Variants in NLRP5 observed in about 807,000 individuals in gnomAD.
NLRP5 encodes the protein NLR family pyrin domain containing 5, also known as NACHT, LRR and PYD domains-containing protein 5.
A neutral mutation model predicts 113.1 loss-of-function variants in NLRP5; 93 were observed. That is an observed-to-expected ratio of 0.82 (90% CI 0.70 to 0.98). The LOEUF (loss-of-function observed/expected upper bound fraction) is 0.98, where lower values mean the gene tolerates loss of function less well. NLRP5 is among the 50% of genes least tolerant of loss of function. The pLI, the probability that NLRP5 is intolerant of heterozygous loss-of-function variation, is 0.00. For missense variants in NLRP5, 1,808 were observed against 1,514.3 expected, an observed-to-expected ratio of 1.19 and a Z score of -3.22; for synonymous variants, 751 against 600.7, an observed-to-expected ratio of 1.25 and a Z score of -3.66.
intron 10 of NLRP5, 141 bp downstream of exon 10, chr19:56,038,336 C>T (rs752514266): frequency 8.1e-5 from 68 of 838,946 alleles, no homozygotes; most frequent in Non-Finnish European, 1.3e-4. Flanking sequence ...CCTCCCAAGA[C>T]CTGCCCAGTG....
rs1353277585 is a variant in NLRP5 at position 56,023,916 on chromosome 19, G to A, written c.680-2997G>A. On this transcript the variant is annotated intron_variant, in intron 6 of 14. Coordinates refer to ENST00000390649, the MANE Select transcript of NLRP5 (RefSeq NM_153447.4). ...GAGAGACTCTTGCTGCCTTTTTAAG[G>A]TAAATAGTAGTACCAGTAAACTTAA... Among the ~76,000 whole-genome samples the A allele has an allele frequency of 1.3e-5, 2 of 152,078 alleles. 1 individual carries two copies. Among genetic ancestry groups the A allele is most frequent in the Non-Finnish European group, 2.9e-5 (2 of 68,024 alleles).
At chr19:56,039,490 C>T (rs1472136271) in intron 10 of NLRP5, among the ~76,000 whole-genome samples, 4 of 152,104 alleles carry the variant, frequency 2.6e-5, no homozygotes, top group African/African-American at 7.2e-5. Flanking sequence ...TCGATCACAC[C>T]CTGAGCTCTC....
chr19:55,993,081 T>A, the NLRP5 span, among the ~76,000 whole-genome samples: 1 of 151,934 alleles, frequency 6.6e-6, no homozygotes, highest in South Asian at 2.1e-4. Context: ...ACTCCCGACC[T>A]CAGGTGATCC....
At chr19:56,058,170 T>C in intron 13 of NLRP5, 70 bp from the exon 14 acceptor site, 2 of 1,173,524 alleles carry the variant, frequency 1.7e-6, no homozygotes, top group African/African-American at 3.1e-5. Flanking sequence ...CAAGGTGAAA[T>C]TCATACGGGT....
At position 56,026,533 on chromosome 19, in the gene NLRP5, A is replaced by AAG. The variant is rs1316069112; in HGVS notation, c.680-379_680-378insGA. 5.6e-5 allele frequency among the ~76,000 whole-genome samples: 8 copies of AAG among 143,850 alleles called. 1 individual carries two copies. Among genetic ancestry groups the AAG allele is most frequent in the African/African-American group, 2.0e-4 (7 of 35,218 alleles). 94.4% of individuals were successfully genotyped at this position (143,850 alleles called of 152,430 possible). A position where few individuals can be genotyped will look rare whatever the true frequency, so the allele number is the denominator to read the frequency against. The stretch of plus-strand genomic sequence containing the variant: ...ACAGAGCAAGACTCCATCTCAAAAA[A>AAG]AAAAAAAAAAAAAAAATAGACTGGC... On this transcript the variant is annotated intron_variant, in intron 6 of 14. Transcript: ENST00000390649.
At chr19:55,996,927 G>T (rs1981343999), upstream of NLRP5, among the ~76,000 whole-genome samples, 1 of 152,136 alleles carries the variant, frequency 6.6e-6, no homozygotes, top group African/African-American at 2.4e-5. Flanking sequence ...TTCCACAATG[G>T]TTGAACTAGT....
chr19:56,036,660 C>A (rs1365504670), intron 9 of NLRP5, among the ~76,000 whole-genome samples: 1 of 152,130 alleles, frequency 6.6e-6, no homozygotes, highest in East Asian at 1.9e-4. Flanking sequence ...AAAGTTCTGT[C>A]TAAAATTCAA....
At chr19:55,998,467 C>A (rs1425647199), upstream of NLRP5, among the ~76,000 whole-genome samples, 1 of 151,830 alleles carries the variant, frequency 6.6e-6, no homozygotes, top group African/African-American at 2.4e-5. Flanking sequence ...GTCTGGCCAA[C>A]CTAGTGAAAC....
chr19:56,005,355 A>AT (rs149100408), intron 2 of NLRP5, among the ~76,000 whole-genome samples: 17,619 of 135,198 alleles, frequency 0.13, 1,438 homozygotes, highest in African/African-American at 0.25. Context: ...ATACACATAT[A>AT]TTTTTATATA....
chr19:56,003,750 A>G lies in NLRP5; in HGVS notation c.97A>G (p.Ile33Val), dbSNP rs777017077. ...TCTTTCCACAGGTCCTACTTGCTCT[A>G]TATTACCAAAGAATCCACTTTTCCC... The change falls in exon 2 of 15, where the codon ATA becomes GTA. Residue 33 changes from isoleucine to valine, a missense_variant. Ile to Val is a conservative substitution (Grantham distance 29). Coordinates refer to ENST00000390649, the MANE Select transcript of NLRP5 (RefSeq NM_153447.4). 1.6e-5 allele frequency: 26 copies of G among 1,612,894 alleles called. No individual in the cohort carries two copies. In the Admixed American group the frequency reaches 1.7e-4, roughly 10 times the overall value.
chr19:56,003,401 G>A (rs1981730838), intron 1 of NLRP5, among the ~76,000 whole-genome samples: 1 of 152,164 alleles, frequency 6.6e-6, no homozygotes, highest in Admixed American at 6.5e-5. Flanking sequence ...TGATCCACCT[G>A]CCTTGGTCTC....
chr19:56,005,866 C>T (rs1184880859), intron 2 of NLRP5, among the ~76,000 whole-genome samples: 2 of 152,144 alleles, frequency 1.3e-5, no homozygotes, highest in Non-Finnish European at 1.5e-5. Flanking sequence ...GACTCTCAAC[C>T]CCACCCAGTG....
chr19:55,988,157 C>A, the NLRP5 span: 1 of 283,434 alleles, frequency 3.5e-6, no homozygotes. Context: ...TATGGGAGGT[C>A]GAGGTGGGCA....
the NLRP5 span, among the ~76,000 whole-genome samples, chr19:55,987,557 G>C: frequency 2.2e-3 from 331 of 152,278 alleles, no homozygotes; most frequent in Non-Finnish European, 3.8e-3. Context: ...TGTTTACCAA[G>C]GGAGGAAGCT....
the NLRP5 span, among the ~76,000 whole-genome samples, chr19:55,986,945 G>C: frequency 1.3e-5 from 2 of 152,308 alleles, no homozygotes; most frequent in African/African-American, 4.8e-5. Context: ...CAAAGCCCAG[G>C]ACCAAAGGAT....
intron 3 of NLRP5, among the ~76,000 whole-genome samples, chr19:56,011,783 T>G (rs1982202763): frequency 6.6e-6 from 1 of 151,564 alleles, no homozygotes; most frequent in Admixed American, 6.6e-5. Context: ...AACCTCTGCC[T>G]CCCAGGTTCA....
At position 56,058,247 on chromosome 19, in the gene NLRP5, G is replaced by C. The variant is rs1984229018; in HGVS notation, c.3307G>C (p.Ala1103Pro). 1 of 1,612,706 alleles carries C rather than the reference G, an allele frequency of 6.2e-7. No individual in the cohort carries two copies. The highest frequency in any genetic ancestry group is 1.7e-5 in the Admixed American group (1 of 59,804). The change falls in exon 14 of 15, where the codon GCA (alanine) becomes CCA (proline). Residue 1103 changes from alanine (A) to proline (P), a missense_variant. Transcript: ENST00000390649. ...GGTGTCCTGACCCTGCAGGTTGAAG[G>C]CATGTGGACTGACTTCTGATTGCTG...
intron 2 of NLRP5, among the ~76,000 whole-genome samples, chr19:56,005,981 A>G (rs1981894834): frequency 6.6e-6 from 1 of 152,306 alleles, no homozygotes; most frequent in Middle Eastern, 3.4e-3. Context: ...TGATTGTTTA[A>G]CATTCATCTA....
chr19:56,019,150 A>T (rs1982519968), intron 4 of NLRP5, 192 bp from the exon 5 acceptor site: 1 of 638,272 alleles, frequency 1.6e-6, no homozygotes, highest in Non-Finnish European at 2.8e-6. Flanking sequence ...TGAGCCTGGG[A>T]CCCTCACCCT....
Sources: allele counts gnomAD v4.1 joint callset (sites outside exome capture counted in the v4.1 genomes callset), GRCh38; gene constraint gnomAD v4.1.1; transcripts MANE v1.5; gene names NCBI Gene and HGNC (gene_info 2026-07-23, HGNC 2026-07-21).